RAI14: variants seen among roughly 807,000 people sequenced by gnomAD.
RAI14 encodes the protein retinoic acid induced 14, also known as ankycorbin.
Under a neutral mutation model 115.4 loss-of-function variants are expected in RAI14, and 45 were observed. The observed-to-expected ratio is 0.39, with a 90% CI of 0.31 to 0.50. The LOEUF (loss-of-function observed/expected upper bound fraction) is 0.50, where lower values mean the gene tolerates loss of function less well. Ranked by LOEUF, RAI14 falls within the 20% of genes least tolerant of loss-of-function variation. The pLI is 0.85. For missense variants in RAI14, 939 were observed against 1,131.2 expected, an observed-to-expected ratio of 0.83 and a Z score of 2.44; for synonymous variants, 371 against 415.4, an observed-to-expected ratio of 0.89 and a Z score of 1.30.
intron 2 of RAI14, among the ~76,000 whole-genome samples, chr5:34,701,610 C>T (rs975425968): frequency 3.3e-5 from 5 of 152,182 alleles, no homozygotes; most frequent in Admixed American, 6.5e-5. Context: ...CTCCCCCGCC[C>T]GCCTTACAGT....
intron 3 of RAI14, among the ~76,000 whole-genome samples, chr5:34,774,870 C>T (rs761362459): frequency 6.6e-5 from 10 of 152,172 alleles, no homozygotes; most frequent in South Asian, 2.1e-4. Flanking sequence ...TCAAATTATA[C>T]TACAGAGCTA....
intron 3 of RAI14, among the ~76,000 whole-genome samples, chr5:34,766,195 C>T (rs1442466624): frequency 6.6e-6 from 1 of 152,162 alleles, no homozygotes; most frequent in Non-Finnish European, 1.5e-5. Context: ...CTCACAGAGT[C>T]CCTACTGGGG....
chr5:34,777,535 T>G (rs1288407000), intron 3 of RAI14, among the ~76,000 whole-genome samples: 1 of 152,052 alleles, frequency 6.6e-6, no homozygotes, highest in Non-Finnish European at 1.5e-5. Flanking sequence ...ATCCCAACAC[T>G]TTGGGAGACT....
At chr5:34,821,967 T>C in intron 14 of RAI14, 117 bp downstream of exon 14, 1 of 533,466 alleles carries the variant, frequency 1.9e-6, no homozygotes, top group Non-Finnish European at 3.3e-6. Context: ...AATATTAGCT[T>C]TAAGCATCTT....
At chr5:34,689,992 A>G (rs1184549804) in intron 2 of RAI14, among the ~76,000 whole-genome samples, 2 of 152,220 alleles carry the variant, frequency 1.3e-5, no homozygotes, top group African/African-American at 4.8e-5. Flanking sequence ...CCCGTAATAA[A>G]AAGTAGGATT....
At chr5:34,722,678 T>C (rs752023444) in intron 2 of RAI14, among the ~76,000 whole-genome samples, 1 of 151,884 alleles carries the variant, frequency 6.6e-6, no homozygotes, top group Non-Finnish European at 1.5e-5. Flanking sequence ...AAACCCCGTC[T>C]CTACTAAAAA....
chr5:34,788,340 C>T (rs1580263594), intron 3 of RAI14, among the ~76,000 whole-genome samples: 1 of 152,230 alleles, frequency 6.6e-6, no homozygotes, highest in East Asian at 1.9e-4. Flanking sequence ...AATCTCCCTC[C>T]TCTCCTTCTT....
intron 1 of RAI14, among the ~76,000 whole-genome samples, chr5:34,667,064 A>AATGAGAGGCAGAG (rs1425986004): frequency 1.3e-5 from 2 of 152,152 alleles, no homozygotes; most frequent in Non-Finnish European, 2.9e-5. Context: ...AGGGACAGTT[A>AATGAGAGGCAGAG]ATGAGAGGCA....
At chr5:34,781,549 G>A (rs1279451185) in intron 3 of RAI14, among the ~76,000 whole-genome samples, 3 of 152,178 alleles carry the variant, frequency 2.0e-5, no homozygotes, top group African/African-American at 7.2e-5. Context: ...GGACATTTAG[G>A]TTGTAATTCA....
chr5:34,736,650 G>T (rs1398046502), intron 2 of RAI14, among the ~76,000 whole-genome samples: 3 of 152,112 alleles, frequency 2.0e-5, no homozygotes, highest in Non-Finnish European at 4.4e-5. Flanking sequence ...GGATCCTCCT[G>T]CCTTAGCCTC....
chr5:34,728,022 G>A (rs192311392), intron 2 of RAI14, among the ~76,000 whole-genome samples: 77 of 152,314 alleles, frequency 5.1e-4, no homozygotes, highest in Non-Finnish European at 9.1e-4. Flanking sequence ...ATGCCAGCCT[G>A]TGAAAGCAGT....
chr5:34,686,088 T>C (rs1744838507), intron 1 of RAI14, among the ~76,000 whole-genome samples: 1 of 152,110 alleles, frequency 6.6e-6, no homozygotes, highest in Non-Finnish European at 1.5e-5. Flanking sequence ...AGGGAATGAG[T>C]GGCATCTGGA....
chr5:34,670,089 G>A (rs564930382), intron 1 of RAI14, among the ~76,000 whole-genome samples: 193 of 152,342 alleles, frequency 1.3e-3, no homozygotes, highest in Non-Finnish European at 2.0e-3. Context: ...CAGCCAGAAG[G>A]AATGGAATGC....
intron 2 of RAI14, among the ~76,000 whole-genome samples, chr5:34,744,169 A>G (rs1239103301): frequency 6.6e-6 from 1 of 152,218 alleles, no homozygotes; most frequent in Admixed American, 6.5e-5. Context: ...CCTGTCTCCA[A>G]GTGTCTTGTC....
chr5:34,735,952 A>G (rs138406611), intron 2 of RAI14, among the ~76,000 whole-genome samples: 1 of 152,386 alleles, frequency 6.6e-6, no homozygotes, highest in Non-Finnish European at 1.5e-5. Context: ...ACAAGTGATC[A>G]TGACAAAATA....
chr5:34,821,597 C>A (rs1197435701), intron 13 of RAI14, 135 bp from the exon 14 acceptor site: 8 of 592,724 alleles, frequency 1.3e-5, no homozygotes, highest in Non-Finnish European at 2.4e-5. Flanking sequence ...TTTAGTTCAC[C>A]CATCCAGCTG....
At chr5:34,767,384 T>G (rs79241555) in intron 3 of RAI14, among the ~76,000 whole-genome samples, 2,705 of 152,108 alleles carry the variant, frequency 0.018, 91 homozygotes, top group African/African-American at 0.062. Context: ...TGGAGATGGA[T>G]CTCAGAACCC....
rs749602020 is a variant in RAI14, at chr5:34,830,752, C to T, written c.2930C>T (p.Ser977Phe). 1 of 1,614,016 alleles carries T rather than the reference C, an allele frequency of 6.2e-7. No individual in the cohort carries two copies. The highest frequency in any genetic ancestry group is 8.5e-7 in the Non-Finnish European group (1 of 1,180,012). ...ATCCTTACCATGTGTAAAAACCAGT[C>T]TCAAAAGAAGTAAAGTGGATTCCTT... ...KQILTMCKNQSQKK is the reference protein window; with the variant it reads ...KQILTMCKNQFQKK The change falls in exon 18 of 18, where the codon TCT becomes TTT. Residue 977 changes from serine to phenylalanine, a missense_variant. Coordinates refer to ENST00000265109, the MANE Select transcript of RAI14 (RefSeq NM_015577.3).
intron 16 of RAI14, 118 bp downstream of exon 16, chr5:34,826,597 A>C: frequency 7.6e-7 from 1 of 1,312,346 alleles, no homozygotes; most frequent in Non-Finnish European, 1.0e-6. Context: ...AAAGGAATGT[A>C]CTTCAATGAG....
Sources: gnomAD v4.1 joint callset for allele counts (sites outside exome capture counted in the v4.1 genomes callset) on GRCh38, gnomAD v4.1.1 for gene constraint, MANE v1.5 for transcripts, NCBI Gene and HGNC (gene_info 2026-07-23, HGNC 2026-07-21) for gene names.